INTS1: variants seen among roughly 807,000 people sequenced by gnomAD.
INTS1 encodes the protein integrator complex subunit 1.
INTS1 carries 137 observed loss-of-function variants against 241.6 expected under a neutral mutation model. That is an observed-to-expected ratio of 0.57 (90% CI 0.49 to 0.65). The LOEUF (loss-of-function observed/expected upper bound fraction) is 0.65, where lower values mean the gene tolerates loss of function less well. Among genes scored for constraint, INTS1 ranks in the 30% least tolerant of loss-of-function variants. The pLI is 0.00. For missense variants in INTS1, 3,073 were observed against 3,032.2 expected (o/e 1.01, Z -0.32); for synonymous variants, 1,692 against 1,337.8 (o/e 1.26, Z -5.78).
intron 11 of INTS1, among the ~76,000 whole-genome samples, chr7:1,496,641 G>T (rs559371329): frequency 1.3e-5 from 2 of 152,288 alleles, no homozygotes; most frequent in South Asian, 2.1e-4. Context: ...TGGCCCACAA[G>T]GTCCTAGTCT....
In INTS1 at chr7:1,474,197, A is replaced by T; in HGVS notation, c.5800T>A (p.Cys1934Ser). The T allele has an allele frequency of 6.3e-7, 1 of 1,586,456 alleles. No individual in the cohort carries two copies. Among genetic ancestry groups the T allele is most frequent in the Non-Finnish European group, 8.6e-7 (1 of 1,168,838 alleles). ...AGCAGGCGGATGAAGGACAGAAGGCAGTCCCACAGCGCCCCCTGGTGCTCG... is the reference window on the plus strand; with the variant it reads ...AGCAGGCGGATGAAGGACAGAAGGCTGTCCCACAGCGCCCCCTGGTGCTCG... ...RSEHQGALWDCLLSFIRLLLN... is the reference protein window; with the variant it reads ...RSEHQGALWDSLLSFIRLLLN... The change falls in exon 41 of 48, where the codon TGC (cysteine) becomes AGC (serine). Residue 1934 changes from cysteine to serine, a missense_variant. Physicochemically the swap from Cys to Ser is moderately radical, Grantham distance 112 (BLOSUM62 -1). Coordinates refer to ENST00000404767, the MANE Select transcript of INTS1 (RefSeq NM_001080453.3).
intron 26 of INTS1, 50 bp from the exon 27 acceptor site, chr7:1,482,757 C>G: frequency 6.3e-7 from 1 of 1,590,896 alleles, no homozygotes. Flanking sequence ...CGGGGCCCAG[C>G]CCCAAGCACC....
At chr7:1,474,476 C>A in intron 40 of INTS1, 116 bp from the exon 41 acceptor site, 1 of 1,212,332 alleles carries the variant, frequency 8.2e-7, no homozygotes. Flanking sequence ...CCCCCAACCA[C>A]CCTCCTGCCC....
intron 44 of INTS1, among the ~76,000 whole-genome samples, chr7:1,471,934 G>C (rs1057040148): frequency 6.6e-6 from 1 of 152,216 alleles, no homozygotes; most frequent in African/African-American, 2.4e-5. Context: ...GGGCCGCTCA[G>C]CCTTGGCTGT....
At position 1,499,052 on chromosome 7, in the gene INTS1, G is replaced by T; in HGVS notation, c.1060C>A (p.Leu354Ile). ...TCCTTATAGCCGCAGGTGGAGGTGAGGAGCCGCAGGAGGTTCCTGGAGACG... is the reference window on the plus strand; with the variant it reads ...TCCTTATAGCCGCAGGTGGAGGTGATGAGCCGCAGGAGGTTCCTGGAGACG... The part of the protein sequence containing the change: ...DNVSRNLLRL[L>I]TSTCGYKEVR... The change falls in exon 8 of 48, where the codon CTC becomes ATC. Residue 354 changes from leucine (L) to isoleucine (I), a missense_variant. Coordinates refer to ENST00000404767, the MANE Select transcript of INTS1 (RefSeq NM_001080453.3). 2 of 1,595,258 alleles carry T rather than the reference G, an allele frequency of 1.3e-6. No homozygotes were observed. Among genetic ancestry groups the T allele is most frequent in the African/African-American group, 1.3e-5 (1 of 74,550 alleles).
intron 3 of INTS1, 133 bp downstream of exon 3, chr7:1,502,768 G>A (rs1318172147): frequency 1.0e-6 from 1 of 977,496 alleles, no homozygotes; most frequent in East Asian, 2.4e-5. Flanking sequence ...CCAAGAACAA[G>A]CCACAAACAT....
At chr7:1,484,229 T>G in intron 24 of INTS1, 59 bp from the exon 25 acceptor site, 2 of 1,538,568 alleles carry the variant, frequency 1.3e-6, no homozygotes, top group South Asian at 1.2e-5. Context: ...TCCGGCCAGC[T>G]GGGGTGACCT....
At chr7:1,477,461 G>T (rs1781776239) in intron 35 of INTS1, 89 bp downstream of exon 35, 8 of 1,418,156 alleles carry the variant, frequency 5.6e-6, no homozygotes, top group Non-Finnish European at 6.5e-6. Flanking sequence ...CCCCTGCAAG[G>T]CTCGCCCAGG....
intron 24 of INTS1, among the ~76,000 whole-genome samples, chr7:1,484,405 C>G (rs1562499042): frequency 6.6e-6 from 1 of 152,204 alleles, no homozygotes; most frequent in African/African-American, 2.4e-5. Flanking sequence ...GCCCTGAAAG[C>G]GGACGCTGCT....
At chr7:1,483,543 C>G in intron 26 of INTS1, 199 bp downstream of exon 26, 1 of 625,274 alleles carries the variant, frequency 1.6e-6, no homozygotes, top group Non-Finnish European at 2.9e-6. Flanking sequence ...TGGGGATCTC[C>G]CACACGTCCA....
intron 30 of INTS1, among the ~76,000 whole-genome samples, chr7:1,480,047 G>A (rs910482331): frequency 3.3e-5 from 5 of 152,256 alleles, no homozygotes; most frequent in Admixed American, 6.5e-5. Context: ...GGTGCCCCGC[G>A]CAGAGGGGTG....
chr7:1,476,763 C>T (rs781503919), intron 36 of INTS1, 31 bp downstream of exon 36: 5 of 1,612,530 alleles, frequency 3.1e-6, no homozygotes, highest in East Asian at 4.5e-5. Flanking sequence ...AGTATGCGCG[C>T]AGCCCAGGTT....
At chr7:1,498,182 A>G (rs1403825356) in intron 10 of INTS1, among the ~76,000 whole-genome samples, 1 of 152,222 alleles carries the variant, frequency 6.6e-6, no homozygotes, top group Non-Finnish European at 1.5e-5. Flanking sequence ...TCCCTCCTAA[A>G]TGGACAGAGT....
chr7:1,495,507 C>T lies in INTS1; in HGVS notation c.1758G>A (p.Gln586=). 6.2e-7 allele frequency: 1 copy of T among 1,612,680 alleles called. No individual in the cohort carries two copies. Among genetic ancestry groups the T allele is most frequent in the Non-Finnish European group, 8.5e-7 (1 of 1,179,704 alleles). Residue 586 remains glutamine, a synonymous_variant, in exon 13 of 48, where the codon CAG becomes CAA. Coordinates refer to ENST00000404767, the MANE Select transcript of INTS1 (RefSeq NM_001080453.3). ...RSFQNQIAAI[Q]RDAVWWLHTV... is the part of the protein sequence containing the mutation. ...TGTGGAGCCACCAGACGGCATCCCG[C>T]TGGATGGCGGCAATCTGGTTCTGGA...
At chr7:1,479,975 C>T (rs375938189) in intron 30 of INTS1, among the ~76,000 whole-genome samples, 11 of 152,346 alleles carry the variant, frequency 7.2e-5, no homozygotes, top group African/African-American at 2.4e-4. Flanking sequence ...GCAGGATCCC[C>T]GGCTCCAACA....
intron 13 of INTS1, 31 bp downstream of exon 13, chr7:1,495,402 G>C (rs1353589423): frequency 1.3e-6 from 2 of 1,593,892 alleles, no homozygotes; most frequent in Non-Finnish European, 1.7e-6. Flanking sequence ...GTGGGGTGTG[G>C]GACAGGGGCT....
At chr7:1,501,636 C>T (rs542952444) in intron 3 of INTS1, among the ~76,000 whole-genome samples, 130 of 152,350 alleles carry the variant, frequency 8.5e-4, no homozygotes, top group African/African-American at 2.8e-3. Context: ...GAGCCGCCGG[C>T]GGCCGAGAGC....
At position 1,502,793 on chromosome 7, in the gene INTS1, G is replaced by A. The variant is rs369730897; in HGVS notation, c.349+108C>T. On this transcript the variant is annotated intron_variant, in intron 3 of 47. Transcript: ENST00000404767. ...GCCACAAACATCCGCTCTCCCAAAG[G>A]ACCTCGGCCATACGGGCAGCACTAG... 48 of 1,213,056 alleles carry A rather than the reference G, an allele frequency of 4.0e-5. No individual in the cohort carries two copies. In the East Asian group the frequency reaches 8.4e-4, roughly 21 times the overall value. The allele number at this position is 1,213,056 out of a possible 1,614,324, so 75.1% of individuals were successfully genotyped here. A position where few individuals can be genotyped will look rare whatever the true frequency, so the allele number is the denominator to read the frequency against.
chr7:1,487,975 A>G lies in INTS1; in HGVS notation c.2319-18T>C, dbSNP rs773545879. 1 of 1,611,546 alleles carries G rather than the reference A, an allele frequency of 6.2e-7. No homozygotes were observed. Among genetic ancestry groups the G allele is most frequent in the Non-Finnish European group, 8.5e-7 (1 of 1,178,930 alleles). On this transcript the variant is annotated intron_variant, in intron 18 of 47. Transcript: ENST00000404767. ...AGTAGTTGCTAGGGCCAGACGGGGG[A>G]GCGTGTCACCCTGCCCCCCATGAAG...
Sources: allele counts gnomAD v4.1 joint callset (sites outside exome capture counted in the v4.1 genomes callset), GRCh38; gene constraint gnomAD v4.1.1; transcripts MANE v1.5; gene names NCBI Gene and HGNC (gene_info 2026-07-23, HGNC 2026-07-21).